The following HLA-DRB1 variants were observed in gnomAD, a reference collection of about 807,000 sequenced individuals.
HLA-DRB1 encodes the protein major histocompatibility complex, class II, DR beta 1 precursor.
Under a neutral mutation model 27.9 loss-of-function variants are expected in HLA-DRB1, and 10 were observed. That is an observed-to-expected ratio of 0.36 (90% CI 0.22 to 0.61). The LOEUF (loss-of-function observed/expected upper bound fraction) is 0.61, where lower values mean the gene tolerates loss of function less well. HLA-DRB1 is among the 20% of genes least tolerant of loss of function. The pLI, the probability that HLA-DRB1 is intolerant of heterozygous loss-of-function variation, is 0.73. For synonymous variants in HLA-DRB1, 57 were observed against 126.7 expected, an observed-to-expected ratio of 0.45 and a Z score of 3.69; for missense variants, 118 against 306.3, an observed-to-expected ratio of 0.39 and a Z score of 4.59.
Position 32,589,629 on chromosome 6 carries a change from CA to C in HLA-DRB1, c.100+13del, listed in dbSNP as rs761312802. 3 of 792,450 alleles carry C rather than the reference CA, an allele frequency of 3.8e-6. 1 individual carries two copies. The South Asian group carries it at 6.3e-5, about 17-fold the overall frequency. The allele number at this position is 792,450 out of a possible 1,614,324, so 49.1% of individuals were successfully genotyped here. On this transcript the variant is annotated intron_variant, in intron 1 of 5. Coordinates refer to ENST00000360004, the Ensembl canonical transcript of HLA-DRB1. ...CCACCCCATAGTAGCTCAGCACCCG[CA>C]ATGTGCACTTACGTCGGGTGTCCCC...
intron 2 of HLA-DRB1, among the ~76,000 whole-genome samples, 156 bp from the exon 3 acceptor site, chr6:32,581,994 T>C (rs9269818): frequency 8.3e-3 from 1,100 of 132,402 alleles, no homozygotes; most frequent in East Asian, 0.042. Context: ...CAGCCTGGAA[T>C]TTAATCTTGA....
intron 1 of HLA-DRB1, among the ~76,000 whole-genome samples, chr6:32,585,556 C>T (rs201892461): frequency 0.42 from 56,961 of 135,290 alleles, 12,499 homozygotes; most frequent in Middle Eastern, 0.55. Flanking sequence ...CCTATAACTG[C>T]AGCTCATATT....
intron 2 of HLA-DRB1, among the ~76,000 whole-genome samples, chr6:32,582,902 C>T (rs36019320): frequency 0.22 from 27,976 of 125,402 alleles, 2,893 homozygotes; most frequent in East Asian, 0.33. Flanking sequence ...CTGGAGACAA[C>T]AATGCCACAA....
At chr6:32,581,271 G>A (rs41288065) in intron 3 of HLA-DRB1, among the ~76,000 whole-genome samples, 20,905 of 71,370 alleles carry the variant, frequency 0.29, 6,143 homozygotes, top group Non-Finnish European at 0.3. Context: ...CAGACCCAGA[G>A]GCAGGGCCTG....
At chr6:32,579,217 T>C (rs869214431) in intron 5 of HLA-DRB1, 113 bp from the exon 6 acceptor site, 1 of 274,914 alleles carries the variant, frequency 3.6e-6, no homozygotes. Flanking sequence ...AAGAAGTTCC[T>C]GAGTCTCCCC....
rs17433947 is a variant in HLA-DRB1 at position 32,581,806 on chromosome 6, T to A, written c.403A>T (p.Thr135Ser). Residue 135 changes from threonine (T) to serine (S), a missense_variant, in exon 3 of 6, where the codon ACC becomes TCC. By Grantham distance (58) the Thr-to-Ser change is moderately conservative (BLOSUM62 1). This residue lies in a region of HLA-DRB1 where 24 missense variants were observed against 114.5 expected (regional missense o/e 0.21). Transcript: ENST00000360004. Reference sequence around the variant, plus strand: ...AGGTTGTGGTGCTGCAGGGGCTGGGTCTTTGAAGGATATACAGTCACCTTA... The same window carrying A: ...AGGTTGTGGTGCTGCAGGGGCTGGGACTTTGAAGGATATACAGTCACCTTA... The A allele has an allele frequency of 1.4e-6, 2 of 1,423,262 alleles. No individual in the cohort carries two copies. Among genetic ancestry groups the A allele is most frequent in the Non-Finnish European group, 1.9e-6 (2 of 1,052,574 alleles). The allele number at this position is 1,423,262 out of a possible 1,614,324, so 88.2% of individuals were successfully genotyped here. A position where few individuals can be genotyped will look rare whatever the true frequency, so the allele number is the denominator to read the frequency against.
At chr6:32,581,178 C>T (rs1581765445) in intron 3 of HLA-DRB1, among the ~76,000 whole-genome samples, 1 of 88,988 alleles carries the variant, frequency 1.1e-5, no homozygotes, top group Admixed American at 1.4e-4. Flanking sequence ...TTGGACTCCC[C>T]TCATGTCAGG....
intron 2 of HLA-DRB1, 143 bp downstream of exon 2, chr6:32,583,966 A>C (rs1236359868): frequency 2.5e-6 from 1 of 407,838 alleles, no homozygotes; most frequent in African/African-American, 4.3e-5. Flanking sequence ...AAATGCTCAC[A>C]GATGGCGCTC....
rs7741969 is a variant in HLA-DRB1 at position 32,587,745 on chromosome 6, T to G, written c.100+1898A>C. ...ATGTCTCTCTTTTTCACAAACCTGATGTCTTTTCTTCAGTGCACTATGACT... is the reference window on the plus strand; with the variant it reads ...ATGTCTCTCTTTTTCACAAACCTGAGGTCTTTTCTTCAGTGCACTATGACT... On this transcript the variant is annotated intron_variant, in intron 1 of 5. Coordinates refer to ENST00000360004, the Ensembl canonical transcript of HLA-DRB1. 3.7e-5 allele frequency among the ~76,000 whole-genome samples: 5 copies of G among 135,406 alleles called. No homozygotes were observed. The East Asian group carries it at 7.6e-4, about 20-fold the overall frequency. 88.8% of individuals were successfully genotyped at this position (135,406 alleles called of 152,430 possible).
intron 2 of HLA-DRB1, among the ~76,000 whole-genome samples, chr6:32,582,591 T>G: frequency 1.1e-5 from 1 of 92,990 alleles, no homozygotes; most frequent in African/African-American, 4.0e-5. Flanking sequence ...ACAGAAATGA[T>G]TCTCCAAATT....
chr6:32,580,721 G>C (rs3828817), intron 4 of HLA-DRB1, 25 bp downstream of exon 4: 82,692 of 1,240,194 alleles, frequency 0.067, 255 homozygotes, highest in Admixed American at 0.092. Context: ...CCTATGGAGA[G>C]AGCCAGCTCC....
intron 2 of HLA-DRB1, among the ~76,000 whole-genome samples, chr6:32,582,868 A>ATT (rs386418308): frequency 1.2e-5 from 1 of 81,364 alleles, no homozygotes; most frequent in African/African-American, 6.3e-5. Flanking sequence ...AAATACAACT[A>ATT]TTTTTTTAGA....
intron 1 of HLA-DRB1, among the ~76,000 whole-genome samples, chr6:32,589,418 T>TAAA (rs28383886): frequency 4.1e-3 from 391 of 95,074 alleles, no homozygotes; most frequent in East Asian, 0.037. Context: ...GGTGGAGATT[T>TAAA]GAAAAGAAAT....
chr6:32,584,199 T>A lies in HLA-DRB1; in HGVS notation c.280A>T (p.Lys94Ter). The A allele has an allele frequency of 7.1e-7, 1 of 1,404,474 alleles. No homozygotes were observed. Among genetic ancestry groups the A allele is most frequent in the Non-Finnish European group, 9.8e-7 (1 of 1,019,958 alleles). 87.0% of individuals were successfully genotyped at this position (1,404,474 alleles called of 1,614,324 possible). Residue 94 changes from lysine (K) to a stop codon, truncating the protein, a stop_gained, in exon 2 of 6, where the codon AAG becomes TAG. Transcript: ENST00000360004. LOFTEE classifies it high-confidence loss of function. Reference sequence around the variant, plus strand: ...GCCCGCGCCTGCTCCAGGATGTCCTTCTGGCTGTTCCAGTACTCAGCGTCA... The same window carrying A: ...GCCCGCGCCTGCTCCAGGATGTCCTACTGGCTGTTCCAGTACTCAGCGTCA...
chr6:32,588,233 A>AT (rs1411226862), intron 1 of HLA-DRB1, among the ~76,000 whole-genome samples: 1 of 144,038 alleles, frequency 6.9e-6, no homozygotes, highest in African/African-American at 2.6e-5. Context: ...AGGCAGGAGG[A>AT]TTGCTTGAGT....
intron 1 of HLA-DRB1, among the ~76,000 whole-genome samples, chr6:32,587,575 A>C (rs9270149): frequency 0.66 from 39,002 of 59,432 alleles, 15,990 homozygotes; most frequent in Middle Eastern, 0.8. Flanking sequence ...ACATAATTTA[A>C]CACATCAGGG....
In HLA-DRB1 at chr6:32,584,490, G is replaced by A; in HGVS notation, c.101-112C>T. The A allele has an allele frequency of 3.0e-6, 2 of 672,916 alleles. 1 individual carries two copies. The highest frequency in any genetic ancestry group is 4.9e-6 in the Non-Finnish European group (2 of 409,820). 41.7% of individuals were successfully genotyped at this position (672,916 alleles called of 1,614,324 possible). On this transcript the variant is annotated intron_variant, in intron 1 of 5. Coordinates refer to ENST00000360004, the Ensembl canonical transcript of HLA-DRB1. Reference sequence around the variant, plus strand: ...GGTGCGGGCGCTGGAACCTTAACCGGCCCCACCCGCAACGCCCACCACCTG... The same window carrying A: ...GGTGCGGGCGCTGGAACCTTAACCGACCCCACCCGCAACGCCCACCACCTG...
intron 2 of HLA-DRB1, among the ~76,000 whole-genome samples, chr6:32,583,760 G>C (rs28724069): frequency 0.02 from 561 of 27,616 alleles, 1 homozygote; most frequent in East Asian, 0.036. Flanking sequence ...TCTAAGGACC[G>C]AGATAATCAA....
At chr6:32,589,430 A>C (rs28366209) in intron 1 of HLA-DRB1, among the ~76,000 whole-genome samples, 7,909 of 69,728 alleles carry the variant, frequency 0.11, 148 homozygotes, top group East Asian at 0.22. Flanking sequence ...AAAAGAAATG[A>C]TTTGTGCAAA....
Sources: allele counts gnomAD v4.1 joint callset (sites outside exome capture counted in the v4.1 genomes callset), GRCh38; gene constraint gnomAD v4.1.1; regional missense constraint gnomAD v4.1.1; transcripts MANE v1.5; gene names NCBI Gene and HGNC (gene_info 2026-07-23, HGNC 2026-07-21).